The following SCUBE1 variants were observed in gnomAD, a reference collection of about 807,000 sequenced individuals.
The protein encoded by SCUBE1 is signal peptide, CUB and EGF-like domain-containing protein 1.
A neutral mutation model predicts 124.4 loss-of-function variants in SCUBE1; 59 were observed. The observed-to-expected ratio is 0.47, with a 90% CI of 0.38 to 0.59. The LOEUF (loss-of-function observed/expected upper bound fraction) is 0.59. SCUBE1 is among the 20% of genes least tolerant of loss of function. The probability of loss-of-function intolerance (pLI) is 0.00; values close to 1 mark genes in which losing one functional copy is unlikely to be tolerated. For missense variants in SCUBE1, 1,150 were observed against 1,371.2 expected, an observed-to-expected ratio of 0.84 and a Z score of 2.55; for synonymous variants, 545 against 550.9, an observed-to-expected ratio of 0.99 and a Z score of 0.15.
intron 14 of SCUBE1, among the ~76,000 whole-genome samples, 168 bp downstream of exon 14, chr22:43,220,282 C>T (rs1358353940): frequency 6.6e-6 from 1 of 152,176 alleles, no homozygotes; most frequent in African/African-American, 2.4e-5. Context: ...CCTGCCAGCT[C>T]CCTTTGCTTG....
At chr22:43,273,970 C>T (rs897189267) in intron 4 of SCUBE1, among the ~76,000 whole-genome samples, 2 of 152,152 alleles carry the variant, frequency 1.3e-5, no homozygotes, top group Non-Finnish European at 2.9e-5. Context: ...GTAAGGCTGG[C>T]CCGCTCCCTC....
intron 3 of SCUBE1, among the ~76,000 whole-genome samples, chr22:43,294,443 G>A (rs569247911): frequency 8.2e-4 from 124 of 151,906 alleles, no homozygotes; most frequent in Non-Finnish European, 1.4e-3. Context: ...CCCTGGCCAG[G>A]CCTGGCAGGG....
intron 14 of SCUBE1, among the ~76,000 whole-genome samples, chr22:43,219,286 C>T (rs139000): frequency 0.48 from 72,230 of 151,690 alleles, 18,190 homozygotes; most frequent in Middle Eastern, 0.58. Flanking sequence ...CTCTTGCTCC[C>T]TTACTCTTGC....
chr22:43,280,278 T>C (rs556708042), intron 4 of SCUBE1, among the ~76,000 whole-genome samples: 2 of 152,104 alleles, frequency 1.3e-5, no homozygotes, highest in Non-Finnish European at 2.9e-5. Flanking sequence ...GAAACTTAAA[T>C]ATTCCCCACC....
In SCUBE1 at chr22:43,208,214, C is replaced by G; in HGVS notation, c.2592G>C (p.Thr864=). 1 of 1,613,970 alleles carries G rather than the reference C, an allele frequency of 6.2e-7. No individual in the cohort carries two copies. Residue 864 remains threonine, a synonymous_variant, in exon 20 of 22, where the codon ACG becomes ACC. Transcript: ENST00000360835. ...GGCAGGTCTCATAGGTGGTGATGGA[C>G]GTGGGAGAGGCTGCGGGTGAAGCAT... ...VLVMRKSASP[T]SITTYETCQT...
chr22:43,293,576 C>T (rs1231866020), intron 3 of SCUBE1, among the ~76,000 whole-genome samples: 4 of 152,358 alleles, frequency 2.6e-5, no homozygotes, highest in South Asian at 4.1e-4. Context: ...TGAGGAGCAT[C>T]GGGAAGGACC....
chr22:43,303,764 A>C (rs1229936020), intron 3 of SCUBE1, among the ~76,000 whole-genome samples: 1 of 152,258 alleles, frequency 6.6e-6, no homozygotes, highest in East Asian at 1.9e-4. Context: ...CCGATAAGGA[A>C]TTCTGAGAAA....
chr22:43,261,696 C>T (rs979244862), intron 5 of SCUBE1, among the ~76,000 whole-genome samples: 2 of 152,208 alleles, frequency 1.3e-5, no homozygotes, highest in African/African-American at 2.4e-5. Context: ...GGACCACCTT[C>T]TCTATTGGGA....
At chr22:43,241,625 G>A (rs1474105871) in intron 6 of SCUBE1, among the ~76,000 whole-genome samples, 1 of 152,080 alleles carries the variant, frequency 6.6e-6, no homozygotes, top group Non-Finnish European at 1.5e-5. Flanking sequence ...CCTGCCCCAA[G>A]CCGAAGACGA....
chr22:43,312,555 G>A lies in SCUBE1; in HGVS notation c.349+7382C>T, dbSNP rs557882592. Reference sequence around the variant, plus strand: ...TACTGTGGAAGCAATGGCCATGAGAGGAGGGTGCTGGAGCGGAGGGCTCCG... The same window carrying A: ...TACTGTGGAAGCAATGGCCATGAGAAGAGGGTGCTGGAGCGGAGGGCTCCG... On this transcript the variant is annotated intron_variant, in intron 3 of 21. Transcript: ENST00000360835. Among the ~76,000 whole-genome samples the A allele has an allele frequency of 3.9e-5, 6 of 152,322 alleles. No individual in the cohort carries two copies. In the East Asian group the frequency reaches 9.7e-4, roughly 25 times the overall value.
At chr22:43,236,645 C>T (rs559347780) in intron 7 of SCUBE1, among the ~76,000 whole-genome samples, 19 of 152,206 alleles carry the variant, frequency 1.2e-4, no homozygotes, top group Non-Finnish European at 2.4e-4. Context: ...AGGCCTCTGG[C>T]AACAGTCACA....
Position 43,222,699 on chromosome 22 carries a change from CG to C in SCUBE1, c.1370del (p.Pro457ArgfsTer65), listed in dbSNP as rs1282589108. 2 of 1,606,370 alleles carry C rather than the reference CG, an allele frequency of 1.2e-6. No homozygotes were observed. The highest frequency in any genetic ancestry group is 1.7e-6 in the Non-Finnish European group (2 of 1,176,916). Reference sequence around the variant, plus strand: ...TGCGTTTCTGCAGCGCCTTGCCCTGCGGCCCTGGAACTCCGCAGCTCAGGAC... The same window carrying C: ...TGCGTTTCTGCAGCGCCTTGCCCTGCGCCCTGGAACTCCGCAGCTCAGGAC... ...SYVLSCGVPG[P>X]QGKALQKRNG... is the part of the protein sequence containing the mutation. On this transcript the variant is annotated frameshift_variant, in exon 12 of 22. Coordinates refer to ENST00000360835, the MANE Select transcript of SCUBE1 (RefSeq NM_173050.5). LOFTEE classifies it high-confidence loss of function.
At chr22:43,221,087 G>C in intron 13 of SCUBE1, 86 bp downstream of exon 13, 1 of 941,788 alleles carries the variant, frequency 1.1e-6, no homozygotes, top group Non-Finnish European at 1.7e-6. Flanking sequence ...AACCAGACTC[G>C]CTGGACCCTG....
chr22:43,334,942 G>A (rs1927015510), intron 2 of SCUBE1, among the ~76,000 whole-genome samples: 1 of 152,274 alleles, frequency 6.6e-6, no homozygotes, highest in South Asian at 2.1e-4. Context: ...CAAGCCATCT[G>A]GCACCAAAGT....
intron 4 of SCUBE1, among the ~76,000 whole-genome samples, chr22:43,266,635 G>C (rs1283106404): frequency 6.6e-6 from 1 of 152,206 alleles, no homozygotes; most frequent in Non-Finnish European, 1.5e-5. Flanking sequence ...GGGCCACTGG[G>C]CTCCCAGCCT....
intron 14 of SCUBE1, among the ~76,000 whole-genome samples, chr22:43,220,125 C>T (rs1382491453): frequency 6.6e-6 from 1 of 152,150 alleles, no homozygotes; most frequent in Non-Finnish European, 1.5e-5. Flanking sequence ...CTCAACCATT[C>T]TAGGGGGGCT....
At chr22:43,206,218 AACAC>A (rs1243717444) in intron 21 of SCUBE1, among the ~76,000 whole-genome samples, 1 of 120,294 alleles carries the variant, frequency 8.3e-6, no homozygotes, top group African/African-American at 3.3e-5. Context: ...ACACCCACTC[AACAC>A]ACACCCCTAC....
intron 2 of SCUBE1, among the ~76,000 whole-genome samples, chr22:43,321,835 C>G (rs775078286): frequency 2.6e-5 from 4 of 152,194 alleles, no homozygotes; most frequent in Admixed American, 1.3e-4. Flanking sequence ...GCCTCAGCCT[C>G]CCTAGTAGCT....
At chr22:43,226,424 T>G (rs1233213378) in intron 10 of SCUBE1, among the ~76,000 whole-genome samples, 1 of 139,008 alleles carries the variant, frequency 7.2e-6, no homozygotes, top group Admixed American at 7.0e-5. Context: ...GGAGTGCTGG[T>G]GTGGGGGGGC....
Sources: gnomAD v4.1 joint callset for allele counts (sites outside exome capture counted in the v4.1 genomes callset) on GRCh38, gnomAD v4.1.1 for gene constraint, MANE v1.5 for transcripts, NCBI Gene and HGNC (gene_info 2026-07-23, HGNC 2026-07-21) for gene names.